The following CHODL variants were observed in gnomAD, a reference collection of about 807,000 sequenced individuals.
CHODL encodes the protein chondrolectin, also known as transmembrane protein MT75.
A neutral mutation model predicts 34.5 loss-of-function variants in CHODL; 29 were observed. The observed-to-expected ratio is 0.84, with a 90% CI of 0.63 to 1.15. The LOEUF is 1.15. Among genes scored for constraint, CHODL ranks in the 50% most tolerant of loss-of-function variants. The pLI is 0.00. For synonymous variants in CHODL, 125 were observed against 116.1 expected, an observed-to-expected ratio of 1.08 and a Z score of -0.49; for missense variants, 332 against 332.5, an observed-to-expected ratio of 1.00 and a Z score of 0.01.
intron 1 of CHODL, among the ~76,000 whole-genome samples, chr21:17,949,411 A>G (rs947593205): frequency 2.6e-5 from 4 of 152,058 alleles, no homozygotes; most frequent in Admixed American, 6.6e-5. Context: ...AAAGACTGTG[A>G]AAAAAAAGAC....
intron 1 of CHODL, among the ~76,000 whole-genome samples, chr21:18,249,985 C>A (rs76042113): frequency 1.3e-5 from 2 of 152,104 alleles, no homozygotes; most frequent in African/African-American, 4.8e-5. Flanking sequence ...ATAAGAGGGA[C>A]CTTTCTGCCA....
chr21:18,168,878 A>G (rs1447813103), intron 2 of CHODL, among the ~76,000 whole-genome samples: 1 of 152,146 alleles, frequency 6.6e-6, no homozygotes, highest in Non-Finnish European at 1.5e-5. Context: ...TATTTTTCTA[A>G]GAATTCTATA....
chr21:18,248,399 C>A (rs1040196260), intron 1 of CHODL, among the ~76,000 whole-genome samples: 1 of 151,184 alleles, frequency 6.6e-6, no homozygotes, highest in Non-Finnish European at 1.5e-5. Flanking sequence ...GATGCAATTA[C>A]TTTAAGTATC....
At chr21:17,969,569 T>C (rs1385097415) in intron 1 of CHODL, among the ~76,000 whole-genome samples, 1 of 152,230 alleles carries the variant, frequency 6.6e-6, no homozygotes, top group African/African-American at 2.4e-5. Context: ...AAGTCATATT[T>C]TTCTGTTAGT....
chr21:18,129,604 A>G (rs2072627387), intron 2 of CHODL, among the ~76,000 whole-genome samples: 1 of 152,172 alleles, frequency 6.6e-6, no homozygotes, highest in African/African-American at 2.4e-5. Flanking sequence ...GGGTTGAGTG[A>G]TCCTAACATC....
chr21:17,985,023 CTTCG>C (rs1348909889), intron 1 of CHODL, among the ~76,000 whole-genome samples: 1 of 152,058 alleles, frequency 6.6e-6, no homozygotes, highest in Non-Finnish European at 1.5e-5. Context: ...GTTTATTAGT[CTTCG>C]TTGTCACAAA....
chr21:18,070,352 TTTC>T (rs1310554177), intron 2 of CHODL, among the ~76,000 whole-genome samples: 1 of 152,066 alleles, frequency 6.6e-6, no homozygotes, highest in African/African-American at 2.4e-5. Context: ...GCTAATTTCT[TTTC>T]TTCTGTATTC....
chr21:17,946,072 C>A (rs1336749607), intron 1 of CHODL, among the ~76,000 whole-genome samples: 1 of 151,790 alleles, frequency 6.6e-6, no homozygotes, highest in Non-Finnish European at 1.5e-5. Context: ...AAAAAAAAAA[C>A]CTATTAGCAT....
intron 1 of CHODL, among the ~76,000 whole-genome samples, chr21:18,250,321 T>A (rs992112976): frequency 6.6e-6 from 1 of 151,704 alleles, no homozygotes; most frequent in African/African-American, 2.4e-5. Flanking sequence ...TTCTGATTTT[T>A]TAAAAAAATA....
At chr21:17,977,984 G>A (rs1476331614) in intron 1 of CHODL, among the ~76,000 whole-genome samples, 1 of 151,462 alleles carries the variant, frequency 6.6e-6, no homozygotes, top group African/African-American at 2.4e-5. Flanking sequence ...GGTTTTGGTA[G>A]GGGAATATAT....
At chr21:18,088,957 G>T (rs1233280836) in intron 2 of CHODL, among the ~76,000 whole-genome samples, 1 of 152,110 alleles carries the variant, frequency 6.6e-6, no homozygotes, top group Admixed American at 6.6e-5. Flanking sequence ...TGCCAAATGG[G>T]TTAATTTATA....
chr21:18,070,462 T>G (rs943717163), intron 2 of CHODL, among the ~76,000 whole-genome samples: 1 of 151,762 alleles, frequency 6.6e-6, no homozygotes, highest in Non-Finnish European at 1.5e-5. Context: ...AAAAAAAAAG[T>G]AAAATTGGAG....
rs1455457093 is a variant in CHODL, at chr21:18,161,213, T to C, written c.-44-95296T>C. ...TTGGTAAATTTGTTTAAGTTCCTTA[T>C]AGATGTAAAGGCATAAAACACATAC... On this transcript the variant is annotated intron_variant, in intron 2 of 6. Coordinates refer to the CHODL transcript ENST00000400127. Among the ~76,000 whole-genome samples the C allele has an allele frequency of 3.3e-5, 5 of 152,224 alleles. No homozygotes were observed. In the East Asian group the frequency reaches 5.8e-4, roughly 18 times the overall value.
intron 2 of CHODL, among the ~76,000 whole-genome samples, chr21:18,144,740 G>T (rs1351342136): frequency 1.3e-5 from 2 of 151,360 alleles, no homozygotes; most frequent in African/African-American, 4.9e-5. Flanking sequence ...TTCCTCCATT[G>T]TAAGAAGATT....
At chr21:18,018,033 T>G (rs1263170014) in intron 1 of CHODL, among the ~76,000 whole-genome samples, 1 of 152,220 alleles carries the variant, frequency 6.6e-6, no homozygotes, top group East Asian at 1.9e-4. Flanking sequence ...ATAGGCCCCT[T>G]TCTGTTGGCT....
intron 1 of CHODL, among the ~76,000 whole-genome samples, chr21:17,993,473 G>T (rs1377907799): frequency 6.6e-6 from 1 of 152,094 alleles, no homozygotes; most frequent in Non-Finnish European, 1.5e-5. Flanking sequence ...TGTAATATTT[G>T]TTTTCTGTTC....
chr21:17,945,804 T>A (rs765113473), intron 1 of CHODL, among the ~76,000 whole-genome samples: 4 of 151,986 alleles, frequency 2.6e-5, no homozygotes, highest in Non-Finnish European at 4.4e-5. Flanking sequence ...CATCTAATAA[T>A]CAAACTATCA....
intron 2 of CHODL, chr21:18,028,093 C>G (rs893269725): frequency 6.6e-6 from 1 of 152,030 alleles, no homozygotes; most frequent in Non-Finnish European, 1.5e-5. Context: ...TGAAAGAAAC[C>G]TCATATTTCA....
chr21:18,257,044 C>T lies in CHODL; in HGVS notation c.464C>T (p.Pro155Leu), dbSNP rs953718910. ...ATGTATCACCAACCAACTGCCAATC[C>T]TGGCCTTGGGGGTCCCTACCTTTAC... ...VVMYHQPTANPGLGGPYLYQW... is the reference protein window; with the variant it reads ...VVMYHQPTANLGLGGPYLYQW... The change falls in exon 3 of 6, where the codon CCT becomes CTT. Residue 155 changes from proline to leucine, a missense_variant. Physicochemically the swap from Pro to Leu is moderately conservative, Grantham distance 98 (BLOSUM62 -3). Transcript: ENST00000299295. 6.2e-7 allele frequency: 1 copy of T among 1,614,012 alleles called. No individual in the cohort carries two copies. The highest frequency in any genetic ancestry group is 8.5e-7 in the Non-Finnish European group (1 of 1,179,924).
Sources: gnomAD v4.1 joint callset for allele counts (sites outside exome capture counted in the v4.1 genomes callset) on GRCh38, gnomAD v4.1.1 for gene constraint, MANE v1.5 for transcripts, NCBI Gene and HGNC (gene_info 2026-07-23, HGNC 2026-07-21) for gene names.